Variants in DPH6 observed in about 807,000 individuals in gnomAD.
The protein encoded by DPH6 is diphthamine biosynthesis 6.
A neutral mutation model predicts 38.2 loss-of-function variants in DPH6; 33 were observed. The ratio of observed to expected loss-of-function variants is 0.86; its 90% CI spans 0.65 to 1.15. The LOEUF is 1.15. DPH6 is among the 50% of genes most tolerant of loss of function. The probability of loss-of-function intolerance (pLI) is 0.00; values close to 1 mark genes in which losing one functional copy is unlikely to be tolerated. For synonymous variants in DPH6, 108 were observed against 103.0 expected (o/e 1.05, Z -0.30); for missense variants, 325 against 320.0 (o/e 1.02, Z -0.12).
chr15:35,457,995 T>C (rs1181979473), intron 3 of DPH6, among the ~76,000 whole-genome samples: 1 of 152,180 alleles, frequency 6.6e-6, no homozygotes, highest in Admixed American at 6.5e-5. Flanking sequence ...TAATATAAGA[T>C]AGTATAGTAT....
intron 3 of DPH6, chr15:35,298,293 T>C: frequency 1.7e-6 from 1 of 582,036 alleles, no homozygotes; most frequent in Non-Finnish European, 3.4e-6. Context: ...TTCCAAATTG[T>C]AGAAACATGC....
intron 3 of DPH6, among the ~76,000 whole-genome samples, chr15:35,514,719 G>GA (rs2054821878): frequency 6.6e-6 from 1 of 152,060 alleles, no homozygotes; most frequent in Admixed American, 6.5e-5. Context: ...ACTTATCTCT[G>GA]AAAAAATCCT....
At chr15:35,446,219 T>G (rs10468078) in intron 5 of DPH6, among the ~76,000 whole-genome samples, 29 of 29,418 alleles carry the variant, frequency 9.9e-4, no homozygotes, top group South Asian at 3.3e-3. Context: ...TTTCCCTTTT[T>G]TTTTTTTTCC....
At chr15:35,460,637 G>A (rs2054053526) in intron 3 of DPH6, among the ~76,000 whole-genome samples, 1 of 152,112 alleles carries the variant, frequency 6.6e-6, no homozygotes, top group African/African-American at 2.4e-5. Flanking sequence ...TCTCAACAAC[G>A]CTCTGAGGTG....
rs553505490 is a variant in DPH6, at chr15:35,401,254, T to G, written c.567+9581A>C. 2.5e-4 allele frequency: 257 copies of G among 1,034,882 alleles called. 1 individual carries two copies. The African/African-American group carries it at 3.6e-3, about 14-fold the overall frequency. The allele number at this position is 1,034,882 out of a possible 1,614,324, so 64.1% of individuals were successfully genotyped here. On this transcript the variant is annotated intron_variant, in intron 6 of 8. Coordinates refer to ENST00000256538, the MANE Select transcript of DPH6 (RefSeq NM_080650.4). ...AAGAGGACAAAGTGGTTCTGGAAAC[T>G]TTGGTGGTGGTTGTGGAGACAGTTT...
chr15:35,422,280 T>G (rs938172102), intron 5 of DPH6, among the ~76,000 whole-genome samples: 1 of 151,780 alleles, frequency 6.6e-6, no homozygotes, highest in African/African-American at 2.4e-5. Flanking sequence ...AGCCATGAAG[T>G]GAAATCTCAA....
At chr15:35,339,209 T>A (rs2052401252) in intron 3 of DPH6, among the ~76,000 whole-genome samples, 1 of 151,342 alleles carries the variant, frequency 6.6e-6, no homozygotes, top group South Asian at 2.1e-4. Context: ...AATAAATATA[T>A]AAATTTCCCT....
intron 3 of DPH6, among the ~76,000 whole-genome samples, chr15:35,277,836 T>A (rs2051869576): frequency 6.6e-6 from 1 of 152,234 alleles, no homozygotes; most frequent in East Asian, 1.9e-4. Context: ...CTAGGGTATC[T>A]GGCAGAAGAA....
the DPH6 span, among the ~76,000 whole-genome samples, chr15:35,167,473 T>C: frequency 6.6e-6 from 1 of 151,530 alleles, no homozygotes; most frequent in Non-Finnish European, 1.5e-5. Context: ...AGAACCGCAT[T>C]CATAGAGCTA....
At chr15:35,496,165 A>G (rs2054546052) in intron 3 of DPH6, among the ~76,000 whole-genome samples, 1 of 152,230 alleles carries the variant, frequency 6.6e-6, no homozygotes, top group African/African-American at 2.4e-5. Context: ...TGCCTTATCT[A>G]ATTACTTAGA....
intron 3 of DPH6, among the ~76,000 whole-genome samples, chr15:35,284,211 C>T (rs1285476704): frequency 1.3e-5 from 2 of 152,138 alleles, no homozygotes; most frequent in African/African-American, 4.8e-5. Context: ...TTGATGACAT[C>T]CCAACCTAAT....
the DPH6 span, among the ~76,000 whole-genome samples, chr15:35,200,061 A>C: frequency 6.6e-6 from 1 of 152,092 alleles, no homozygotes; most frequent in Admixed American, 6.6e-5. Context: ...AATAAGAAAT[A>C]AATAAGAAAT....
At chr15:35,163,038 G>GCAAAA in the DPH6 span, among the ~76,000 whole-genome samples, 2 of 151,776 alleles carry the variant, frequency 1.3e-5, no homozygotes, top group Admixed American at 1.3e-4. Flanking sequence ...TGAGGAAAAT[G>GCAAAA]GAGAAAACAA....
intron 3 of DPH6, among the ~76,000 whole-genome samples, chr15:35,337,267 G>A (rs984512387): frequency 1.3e-5 from 2 of 152,122 alleles, no homozygotes; most frequent in African/African-American, 4.8e-5. Flanking sequence ...ATGGTAGTTT[G>A]TATTTCTGTG....
At chr15:35,261,797 C>T (rs532237656) in intron 3 of DPH6, among the ~76,000 whole-genome samples, 2 of 150,806 alleles carry the variant, frequency 1.3e-5, no homozygotes, top group East Asian at 2.0e-4. Flanking sequence ...CTCACCACTG[C>T]ACTCCAGCCT....
intron 3 of DPH6, among the ~76,000 whole-genome samples, chr15:35,276,121 A>G (rs1270684139): frequency 6.6e-6 from 1 of 152,048 alleles, no homozygotes; most frequent in Non-Finnish European, 1.5e-5. Flanking sequence ...TTATTTTTCT[A>G]TTTTTAAGTA....
At chr15:35,325,829 T>G (rs2052277840), downstream of DPH6, among the ~76,000 whole-genome samples, 1 of 152,104 alleles carries the variant, frequency 6.6e-6, no homozygotes, top group African/African-American at 2.4e-5. Context: ...AACAAAAATA[T>G]TTGACAAAGT....
intron 3 of DPH6, among the ~76,000 whole-genome samples, chr15:35,509,409 ATAGT>A (rs2141212534): frequency 6.6e-6 from 1 of 152,346 alleles, no homozygotes; most frequent in South Asian, 2.1e-4. Context: ...CAGTTCTTCA[ATAGT>A]TAGAGCAATT....
intron 3 of DPH6, among the ~76,000 whole-genome samples, chr15:35,341,526 T>C (rs2052421456): frequency 6.6e-6 from 1 of 152,166 alleles, no homozygotes; most frequent in Non-Finnish European, 1.5e-5. Flanking sequence ...ATCTTTGAGG[T>C]TGCTGATGTT....
Sources: gnomAD v4.1 joint callset for allele counts (sites outside exome capture counted in the v4.1 genomes callset) on GRCh38, gnomAD v4.1.1 for gene constraint, MANE v1.5 for transcripts, NCBI Gene and HGNC (gene_info 2026-07-23, HGNC 2026-07-21) for gene names.